Variants in ADARB2 observed in about 807,000 individuals in gnomAD.
ADARB2 encodes adenosine deaminase RNA specific B2 (inactive), also known as inactive double-stranded RNA-specific editase B2.
Under a neutral mutation model 62.2 loss-of-function variants are expected in ADARB2, and 25 were observed. The observed-to-expected ratio is 0.40, with a 90% confidence interval of 0.29 to 0.56. The LOEUF (loss-of-function observed/expected upper bound fraction) is 0.56, where lower values mean the gene tolerates loss of function less well. Ranked by LOEUF, ADARB2 falls within the 20% of genes least tolerant of loss-of-function variation. ADARB2 has a pLI of 0.43. For synonymous variants in ADARB2, 572 were observed against 500.8 expected (o/e 1.14, Z -1.90); for missense variants, 1,071 against 1,077.4 (o/e 0.99, Z 0.08).
intron 1 of ADARB2, among the ~76,000 whole-genome samples, chr10:1,608,129 A>G (rs1421633861): frequency 1.3e-5 from 2 of 152,242 alleles, no homozygotes; most frequent in Non-Finnish European, 2.9e-5. Flanking sequence ...AACAAGATCC[A>G]TGCAAATGGA....
At chr10:1,530,071 C>G (rs1239403657) in intron 1 of ADARB2, among the ~76,000 whole-genome samples, 1 of 152,022 alleles carries the variant, frequency 6.6e-6, no homozygotes, top group African/African-American at 2.4e-5. Context: ...ACTGCTTCTG[C>G]CAGTGCTGGT....
intron 6 of ADARB2, among the ~76,000 whole-genome samples, chr10:1,219,942 GTGA>G (rs202015282): frequency 2.9e-5 from 4 of 138,476 alleles, no homozygotes; most frequent in East Asian, 2.2e-4. Context: ...GATGATGGTG[GTGA>G]TAATGGTGAT....
At chr10:1,290,807 A>G (rs1338658949) in intron 3 of ADARB2, 1 of 152,262 alleles carries the variant, frequency 6.6e-6, no homozygotes, top group Admixed American at 6.5e-5. Flanking sequence ...AATCAACTTC[A>G]AATTTGAATA....
At chr10:1,576,018 AG>A (rs1332631365) in intron 1 of ADARB2, among the ~76,000 whole-genome samples, 1 of 19,030 alleles carries the variant, frequency 5.3e-5, no homozygotes, top group African/African-American at 2.6e-4. Flanking sequence ...GATCCATGGG[AG>A]GGGGCCCAGG....
At chr10:1,530,209 A>G (rs1383811397) in intron 1 of ADARB2, among the ~76,000 whole-genome samples, 1 of 152,204 alleles carries the variant, frequency 6.6e-6, no homozygotes, top group Non-Finnish European at 1.5e-5. Context: ...TGGAGCATGC[A>G]GCCGAGTTGC....
intron 1 of ADARB2, among the ~76,000 whole-genome samples, chr10:1,438,868 G>A (rs1830867611): frequency 1.1e-5 from 1 of 93,680 alleles, no homozygotes; most frequent in Non-Finnish European, 2.1e-5. Context: ...TCTCCCCCAG[G>A]ATGGAGGCAG....
Position 1,245,314 on chromosome 10 carries a change from TTTAC to T in ADARB2, c.1193-3019_1193-3016del, listed in dbSNP as rs1007018047. Among the ~76,000 whole-genome samples, 481 of 152,318 alleles carry T rather than the reference TTTAC, an allele frequency of 3.2e-3. 3 individuals carry two copies. The highest frequency in any genetic ancestry group is 0.011 in the African/African-American group (457 of 41,556). ...TGAGAAATAGGAAGATTTTTATTTA[TTTAC>T]TTATTTTTTGTTTTTTCTTTTTCTT... On this transcript the variant is annotated intron_variant, in intron 4 of 9. Coordinates refer to ENST00000381312, the MANE Select transcript of ADARB2 (RefSeq NM_018702.4).
chr10:1,460,984 T>G (rs1241199003), intron 1 of ADARB2, among the ~76,000 whole-genome samples: 4 of 152,248 alleles, frequency 2.6e-5, no homozygotes. Flanking sequence ...CAATTTTATG[T>G]GCAATACCGT....
chr10:1,327,341 T>G lies in ADARB2; in HGVS notation c.1077+35687A>C, dbSNP rs1238441721. Among the ~76,000 whole-genome samples, 11 of 37,204 alleles carry G rather than the reference T, an allele frequency of 3.0e-4. 2 individuals carry two copies. In the East Asian group the frequency reaches 6.9e-3, roughly 23 times the overall value. The allele number at this position is 37,204 out of a possible 152,430, so 24.4% of individuals were successfully genotyped here. On this transcript the variant is annotated intron_variant, in intron 3 of 9. Transcript: ENST00000381312. ...TCCTCACTGCACAGCGCCTCCTCAC[T>G]GCACAGCGCCTCCTCACGGCCCAGC...
At chr10:1,574,431 G>A (rs1293256116) in intron 1 of ADARB2, among the ~76,000 whole-genome samples, 1 of 152,162 alleles carries the variant, frequency 6.6e-6, no homozygotes, top group Admixed American at 6.6e-5. Flanking sequence ...GTTAGAAGTG[G>A]CACAAGTCTT....
At chr10:1,471,670 G>A (rs1831324675) in intron 1 of ADARB2, among the ~76,000 whole-genome samples, 2 of 152,232 alleles carry the variant, frequency 1.3e-5, no homozygotes, top group Non-Finnish European at 2.9e-5. Flanking sequence ...TGGGATTATA[G>A]GCATGAGCCA....
chr10:1,713,743 G>A (rs781733306), intron 1 of ADARB2, among the ~76,000 whole-genome samples: 7 of 152,186 alleles, frequency 4.6e-5, no homozygotes, highest in East Asian at 1.9e-4. Flanking sequence ...CTCCGGTCCC[G>A]TGGGGAACAT....
chr10:1,190,763 C>T (rs1323117809), intron 8 of ADARB2, among the ~76,000 whole-genome samples: 1 of 152,224 alleles, frequency 6.6e-6, no homozygotes, highest in Non-Finnish European at 1.5e-5. Flanking sequence ...CAGGCAGGAC[C>T]CACTGAGATA....
chr10:1,644,626 C>T lies in ADARB2; in HGVS notation c.100+92425G>A, dbSNP rs149080842. Among the ~76,000 whole-genome samples, 231 of 152,340 alleles carry T rather than the reference C, an allele frequency of 1.5e-3. 2 individuals are homozygous for T. Among genetic ancestry groups the T allele is most frequent in the African/African-American group, 5.2e-3 (218 of 41,576 alleles). On this transcript the variant is annotated intron_variant, in intron 1 of 9. Transcript: ENST00000381312. ...TTTGTCTTGTCCTGCCAGGCGCCTACGCGGAGTGGACAGTCAATGATGCTG... is the reference window on the plus strand; with the variant it reads ...TTTGTCTTGTCCTGCCAGGCGCCTATGCGGAGTGGACAGTCAATGATGCTG...
At chr10:1,534,428 G>A (rs887588504) in intron 1 of ADARB2, among the ~76,000 whole-genome samples, 5 of 152,234 alleles carry the variant, frequency 3.3e-5, no homozygotes, top group African/African-American at 7.2e-5. Flanking sequence ...ATGAGCCACC[G>A]CTCCCGGCCT....
rs138785387 is a variant in ADARB2, at chr10:1,185,012, G to C, written c.1892C>G (p.Pro631Arg). ...CATGCTGAAGGGGGGCGACTTCCCC[G>C]GCTGGCGCGCCTCGGCGTCACTCAC... ...SGVSDAEARQ[P>R]GKSPPFSMNW... Residue 631 changes from proline to arginine, a missense_variant, in exon 9 of 10, where the codon CCG becomes CGG. Pro to Arg is a moderately radical substitution (Grantham distance 103). Transcript: ENST00000381312. 2.9e-5 allele frequency: 46 copies of C among 1,612,960 alleles called. No homozygotes were observed. The highest frequency in any genetic ancestry group is 3.7e-5 in the Non-Finnish European group (44 of 1,179,838).
At chr10:1,504,381 C>T (rs1045291734) in intron 1 of ADARB2, among the ~76,000 whole-genome samples, 3 of 152,216 alleles carry the variant, frequency 2.0e-5, no homozygotes, top group Non-Finnish European at 2.9e-5. Flanking sequence ...TACTTTTTCC[C>T]CTCTTTAATG....
At chr10:1,339,170 T>C (rs893522928) in intron 3 of ADARB2, among the ~76,000 whole-genome samples, 1 of 152,224 alleles carries the variant, frequency 6.6e-6, no homozygotes, top group African/African-American at 2.4e-5. Flanking sequence ...GCCACGCCTG[T>C]AGCTGAGCAT....
intron 1 of ADARB2, among the ~76,000 whole-genome samples, chr10:1,631,540 A>T (rs1275953760): frequency 6.6e-6 from 1 of 152,208 alleles, no homozygotes; most frequent in Non-Finnish European, 1.5e-5. Flanking sequence ...TCACTCTTTG[A>T]TGCCTGGGAA....
Sources: gnomAD v4.1 joint callset for allele counts (sites outside exome capture counted in the v4.1 genomes callset) on GRCh38, gnomAD v4.1.1 for gene constraint, MANE v1.5 for transcripts, NCBI Gene and HGNC (gene_info 2026-07-23, HGNC 2026-07-21) for gene names.